CD4: variants seen among roughly 807,000 people sequenced by gnomAD.
CD4 encodes the protein T-cell surface glycoprotein CD4.
CD4 carries 25 observed loss-of-function variants against 50.5 expected under a neutral mutation model. That is an observed-to-expected ratio of 0.49 (90% CI 0.36 to 0.69). The LOEUF (loss-of-function observed/expected upper bound fraction) is 0.69. Among genes scored for constraint, CD4 ranks in the 30% least tolerant of loss-of-function variants. The pLI is 0.00. For missense variants in CD4, 456 were observed against 548.5 expected (o/e 0.83, Z 1.68); for synonymous variants, 207 against 221.9 (o/e 0.93, Z 0.60).
intron 7 of CD4, among the ~76,000 whole-genome samples, chr12:6,817,733 TCACACACTCG>T (rs1274045423): frequency 6.4e-5 from 7 of 108,604 alleles, no homozygotes; most frequent in African/African-American, 2.9e-4. Context: ...CACACATCAC[TCACACACTCG>T]CACACACTCA....
chr12:6,800,407 A>G lies in CD4; in HGVS notation c.150A>G (p.Gln50=), dbSNP rs782337435. ...TCTASQKKSI[Q]FHWKNSNQIK... ...CAGCTTCCCAGAAGAAGAGCATACAATTCCACTGGAAAAACTCCAACCAGA... is the reference window on the plus strand; with the variant it reads ...CAGCTTCCCAGAAGAAGAGCATACAGTTCCACTGGAAAAACTCCAACCAGA... The change falls in exon 3 of 10, where the codon CAA becomes CAG. Residue 50 remains glutamine, a synonymous_variant. Transcript: ENST00000011653. 14 of 1,614,026 alleles carry G rather than the reference A, an allele frequency of 8.7e-6. No individual in the cohort carries two copies. The highest frequency in any genetic ancestry group is 1.2e-5 in the Non-Finnish European group (14 of 1,179,980).
intron 1 of CD4, among the ~76,000 whole-genome samples, chr12:6,797,885 G>A (rs1252043570): frequency 6.6e-6 from 1 of 152,188 alleles, no homozygotes; most frequent in Non-Finnish European, 1.5e-5. Context: ...CCAGGGACGA[G>A]CAGGAGACAG....
chr12:6,794,802 T>TTTTTTTTTTTTTTTA (rs1942321406), intron 1 of CD4, among the ~76,000 whole-genome samples: 1 of 141,476 alleles, frequency 7.1e-6, no homozygotes, highest in Admixed American at 7.0e-5. Context: ...TTTTTTTTTT[T>TTTTTTTTTTTTTTTA]GAGATAGAGT....
intron 3 of CD4, among the ~76,000 whole-genome samples, chr12:6,812,383 C>A (rs1942963341): frequency 6.6e-6 from 1 of 151,554 alleles, no homozygotes; most frequent in African/African-American, 2.4e-5. Context: ...AACAAACAAA[C>A]AAAAAAAGAA....
At chr12:6,799,414 C>A (rs1942469216) in intron 1 of CD4, 1 of 152,112 alleles carries the variant, frequency 6.6e-6, no homozygotes, top group African/African-American at 2.4e-5. Context: ...TCATTTCCTT[C>A]CCATAGTTTT....
chr12:6,795,923 G>A (rs1369795548), intron 1 of CD4, among the ~76,000 whole-genome samples: 1 of 152,228 alleles, frequency 6.6e-6, no homozygotes, highest in East Asian at 1.9e-4. Flanking sequence ...CCACAGACAG[G>A]ATGGAGAGTG....
intron 1 of CD4, among the ~76,000 whole-genome samples, chr12:6,799,800 A>AGGAGC (rs1942481006): frequency 6.6e-6 from 1 of 152,190 alleles, no homozygotes; most frequent in Non-Finnish European, 1.5e-5. Flanking sequence ...CCCATCTCTT[A>AGGAGC]GGAGCTGCTC....
chr12:6,796,512 C>G (rs1319645520), intron 1 of CD4, among the ~76,000 whole-genome samples: 1 of 152,212 alleles, frequency 6.6e-6, no homozygotes, highest in East Asian at 1.9e-4. Flanking sequence ...CACTTGAGCC[C>G]TGCTCCAGCC....
In CD4 at chr12:6,818,361, C is replaced by T; in HGVS notation, c.1157-60C>T. 6.3e-7 allele frequency: 1 copy of T among 1,599,752 alleles called. No homozygotes were observed. Among genetic ancestry groups the T allele is most frequent in the Non-Finnish European group, 8.5e-7 (1 of 1,175,158 alleles). ...TGGCCAGGAGGGATTGCAGGGCAGT[C>T]CTCAGTCCCCTGGCCCGTGGAGGAG... On this transcript the variant is annotated intron_variant, in intron 7 of 9. Transcript: ENST00000011653. This position sits in a 1 kb window ranked among gnomAD's most constrained non-coding sequence, Gnocchi z 5.0.
At chr12:6,791,705 A>AC (rs893070923) in intron 1 of CD4, among the ~76,000 whole-genome samples, 1 of 148,316 alleles carries the variant, frequency 6.7e-6, no homozygotes, top group African/African-American at 2.5e-5. Context: ...ACATGGTGAA[A>AC]CCCCCATCTC....
At chr12:6,803,878 G>A (rs1433712947) in intron 3 of CD4, among the ~76,000 whole-genome samples, 8 of 151,750 alleles carry the variant, frequency 5.3e-5, no homozygotes, top group East Asian at 3.9e-4. Flanking sequence ...TTGGGAGGCC[G>A]AGGTGGACAG....
At position 6,793,976 on chromosome 12, in the gene CD4, A is replaced by G. The variant is rs567889153; in HGVS notation, c.-68+4314A>G. Among the ~76,000 whole-genome samples, 93 of 150,200 alleles carry G rather than the reference A, an allele frequency of 6.2e-4. 2 individuals are homozygous for G. The South Asian group carries it at 0.019, about 31-fold the overall frequency. On this transcript the variant is annotated intron_variant, in intron 1 of 9. Transcript: ENST00000011653. ...ACCCGGCTTCTATCTATCTATATCT[A>G]TCTATCTATCTATCTATCTATCTAT... is the stretch of plus-strand genomic sequence containing the variant.
At chr12:6,811,823 T>G (rs1393313570) in intron 3 of CD4, among the ~76,000 whole-genome samples, 1 of 151,748 alleles carries the variant, frequency 6.6e-6, no homozygotes, top group Non-Finnish European at 1.5e-5. Context: ...AAATTTCTTT[T>G]CTTTAAGATG....
chr12:6,809,266 C>T (rs1451332824), intron 3 of CD4, among the ~76,000 whole-genome samples: 2 of 152,066 alleles, frequency 1.3e-5, no homozygotes, highest in Non-Finnish European at 2.9e-5. Flanking sequence ...GAGGCTGAGG[C>T]GGCTGGATGA....
chr12:6,814,859 A>T lies in CD4; in HGVS notation c.474A>T (p.Pro158=). ...GCCCCTCAGTGCAATGTAGGAGTCC[A>T]AGGGGTAAAAACATACAGGGGGGGA... ...GSSPSVQCRS[P]RGKNIQGGKT... Residue 158 remains proline (P), a synonymous_variant, in exon 5 of 10, where the codon CCA becomes CCT. Transcript: ENST00000011653. 1 of 1,613,614 alleles carries T rather than the reference A, an allele frequency of 6.2e-7. No individual in the cohort carries two copies. Among genetic ancestry groups the T allele is most frequent in the Non-Finnish European group, 8.5e-7 (1 of 1,179,732 alleles).
At chr12:6,796,005 T>G (rs1260559961) in intron 1 of CD4, among the ~76,000 whole-genome samples, 2 of 152,200 alleles carry the variant, frequency 1.3e-5, no homozygotes, top group Non-Finnish European at 2.9e-5. Context: ...GGGCTGGATG[T>G]GTGCATACAT....
intron 1 of CD4, among the ~76,000 whole-genome samples, chr12:6,797,922 A>G (rs1218090045): frequency 6.6e-6 from 1 of 152,138 alleles, no homozygotes; most frequent in Non-Finnish European, 1.5e-5. Flanking sequence ...TCAACCGAAT[A>G]GAGGCCTTCC....
Position 6,790,005 on chromosome 12 carries a change from C to T in CD4, c.-68+343C>T, listed in dbSNP as rs375741909. Among the ~76,000 whole-genome samples, 6 of 151,140 alleles carry T rather than the reference C, an allele frequency of 4.0e-5. 1 individual carries two copies. The highest frequency in any genetic ancestry group is 6.8e-3 in the Middle Eastern group (2 of 294). On this transcript the variant is annotated intron_variant, in intron 1 of 9. Transcript: ENST00000011653. ...GGGAAAGGCGTGGAAGGCAACTAGTCGTGGGCAGTTGAGGGGAGAAGACTG... is the reference window on the plus strand; with the variant it reads ...GGGAAAGGCGTGGAAGGCAACTAGTTGTGGGCAGTTGAGGGGAGAAGACTG...
At chr12:6,806,511 C>T (rs1290764623) in intron 3 of CD4, among the ~76,000 whole-genome samples, 5 of 151,944 alleles carry the variant, frequency 3.3e-5, no homozygotes, top group Non-Finnish European at 5.9e-5. Flanking sequence ...AGACAGTTTA[C>T]AGAATATAAG....
Sources: gnomAD v4.1 joint callset for allele counts (sites outside exome capture counted in the v4.1 genomes callset) on GRCh38, gnomAD v4.1.1 for gene constraint, Gnocchi (gnomAD v3.1) non-coding constraint, MANE v1.5 for transcripts, NCBI Gene and HGNC (gene_info 2026-07-23, HGNC 2026-07-21) for gene names.